The following SGCZ variants were observed in gnomAD, a reference collection of about 807,000 sequenced individuals.
The protein encoded by SGCZ is sarcoglycan zeta, also known as zeta-sarcoglycan.
A neutral mutation model predicts 41.3 loss-of-function variants in SGCZ; 40 were observed. The ratio of observed to expected loss-of-function variants is 0.97; its 90% confidence interval spans 0.75 to 1.26. The LOEUF is 1.26. SGCZ is among the 50% of genes most tolerant of loss of function. SGCZ has a pLI of 0.00. For missense variants in SGCZ, 552 were observed against 369.8 expected (o/e 1.49, Z -4.04); for synonymous variants, 206 against 137.5 (o/e 1.50, Z -3.49).
chr8:14,590,742 A>C (rs1334400532), intron 1 of SGCZ, among the ~76,000 whole-genome samples: 3 of 148,190 alleles, frequency 2.0e-5, no homozygotes, highest in Non-Finnish European at 4.5e-5. Flanking sequence ...ATGACATTAT[A>C]CTATATACTG....
intron 1 of SGCZ, among the ~76,000 whole-genome samples, chr8:14,809,593 G>A (rs759009779): frequency 2.6e-5 from 4 of 152,066 alleles, no homozygotes; most frequent in Non-Finnish European, 5.9e-5. Context: ...ACATTATTTT[G>A]AGGTAGAGCA....
chr8:15,168,928 T>C (rs574519077), intron 1 of SGCZ, among the ~76,000 whole-genome samples: 6 of 152,322 alleles, frequency 3.9e-5, no homozygotes, highest in Non-Finnish European at 8.8e-5. Context: ...TGAAGTTTTT[T>C]TGTCATTCAG....
chr8:14,749,325 A>C (rs1563244537), intron 1 of SGCZ, among the ~76,000 whole-genome samples: 1 of 152,178 alleles, frequency 6.6e-6, no homozygotes, highest in Admixed American at 6.6e-5. Flanking sequence ...CCGAATGCTC[A>C]ACATGATGAA....
At chr8:15,133,368 G>A (rs1404400344) in intron 1 of SGCZ, among the ~76,000 whole-genome samples, 1 of 152,122 alleles carries the variant, frequency 6.6e-6, no homozygotes, top group Non-Finnish European at 1.5e-5. Context: ...TCAAACATCA[G>A]TGAAGCTAGC....
chr8:14,434,156 A>C (rs969879342), intron 2 of SGCZ, among the ~76,000 whole-genome samples: 1 of 152,162 alleles, frequency 6.6e-6, no homozygotes, highest in Non-Finnish European at 1.5e-5. Context: ...AAGCTGAGAG[A>C]TGAGGACCCA....
At chr8:14,469,422 T>C (rs1801146852) in intron 2 of SGCZ, among the ~76,000 whole-genome samples, 1 of 152,120 alleles carries the variant, frequency 6.6e-6, no homozygotes, top group African/African-American at 2.4e-5. Flanking sequence ...ATACCAGGAA[T>C]CTCTCCTTCA....
At chr8:14,813,726 C>A (rs1025648062) in intron 1 of SGCZ, among the ~76,000 whole-genome samples, 2 of 152,064 alleles carry the variant, frequency 1.3e-5, no homozygotes, top group South Asian at 4.2e-4. Context: ...GGGAGGTGGG[C>A]AGATCACCTG....
intron 1 of SGCZ, among the ~76,000 whole-genome samples, chr8:14,954,822 C>T (rs956206661): frequency 6.6e-6 from 1 of 152,128 alleles, no homozygotes; most frequent in Non-Finnish European, 1.5e-5. Context: ...CATTCTTATT[C>T]CTGACCAGAG....
intron 1 of SGCZ, among the ~76,000 whole-genome samples, chr8:14,968,619 G>A (rs1197109373): frequency 6.6e-6 from 1 of 152,082 alleles, no homozygotes; most frequent in Non-Finnish European, 1.5e-5. Flanking sequence ...ACAGATGATT[G>A]AGAAAACAAG....
At chr8:14,469,007 T>G (rs2116972831) in intron 2 of SGCZ, among the ~76,000 whole-genome samples, 1 of 152,182 alleles carries the variant, frequency 6.6e-6, no homozygotes, top group East Asian at 1.9e-4. Context: ...CCTACTCACT[T>G]GTCCTCTTGC....
chr8:14,489,659 G>T (rs193167627), intron 2 of SGCZ, among the ~76,000 whole-genome samples: 92 of 151,842 alleles, frequency 6.1e-4, no homozygotes, highest in African/African-American at 2.2e-3. Context: ...CTTGAAATTG[G>T]CATATTTCTT....
chr8:14,610,900 G>A (rs1805907302), intron 1 of SGCZ, among the ~76,000 whole-genome samples: 1 of 152,164 alleles, frequency 6.6e-6, no homozygotes. Context: ...TTATGGAATT[G>A]TAACCCAATA....
chr8:14,135,506 G>A (rs1333775325), intron 5 of SGCZ, among the ~76,000 whole-genome samples: 2 of 152,110 alleles, frequency 1.3e-5, no homozygotes, highest in African/African-American at 4.8e-5. Context: ...GAGTAGTCAT[G>A]GGCATAGATG....
chr8:15,061,361 C>T (rs377504848), intron 1 of SGCZ, among the ~76,000 whole-genome samples: 22 of 151,926 alleles, frequency 1.4e-4, no homozygotes, highest in African/African-American at 4.6e-4. Flanking sequence ...GGGAGGAGAA[C>T]ATCACACACC....
At chr8:14,452,866 G>C (rs1306816435) in intron 2 of SGCZ, among the ~76,000 whole-genome samples, 3 of 152,130 alleles carry the variant, frequency 2.0e-5, no homozygotes, top group African/African-American at 4.8e-5. Context: ...ACCTTGGGAG[G>C]CTGAGACAGC....
chr8:15,034,943 T>A (rs1803820267), intron 1 of SGCZ, among the ~76,000 whole-genome samples: 1 of 152,180 alleles, frequency 6.6e-6, no homozygotes, highest in Non-Finnish European at 1.5e-5. Context: ...ACTTGTCTCC[T>A]AAGAAAGCCT....
chr8:14,539,550 T>A (rs1005150842), intron 2 of SGCZ, among the ~76,000 whole-genome samples: 8 of 151,900 alleles, frequency 5.3e-5, no homozygotes, highest in South Asian at 2.1e-4. Context: ...TGCTTTTTTT[T>A]AAACTTATTT....
chr8:14,707,237 T>C (rs1010232716), intron 1 of SGCZ, among the ~76,000 whole-genome samples: 11 of 132,216 alleles, frequency 8.3e-5, no homozygotes, highest in Non-Finnish European at 1.7e-4. Flanking sequence ...CCTGTGTCCA[T>C]GTGTTCTCAT....
chr8:14,747,600 A>G (rs1799371539), intron 1 of SGCZ, among the ~76,000 whole-genome samples: 1 of 152,008 alleles, frequency 6.6e-6, no homozygotes, highest in African/African-American at 2.4e-5. Flanking sequence ...TTTTCAGATG[A>G]AAACCATTAA....
Sources: allele counts gnomAD v4.1 joint callset (sites outside exome capture counted in the v4.1 genomes callset), GRCh38; gene constraint gnomAD v4.1.1; transcripts MANE v1.5; gene names NCBI Gene and HGNC (gene_info 2026-07-23, HGNC 2026-07-21).